KL: variants seen among roughly 807,000 people sequenced by gnomAD.
KL encodes the protein alpha-klotho.
A neutral mutation model predicts 84.2 loss-of-function variants in KL; 62 were observed. That is an observed-to-expected ratio of 0.74 (90% CI 0.60 to 0.91). KL has a LOEUF of 0.91. Ranked by LOEUF, KL falls within the 40% of genes least tolerant of loss-of-function variation. The pLI is 0.00. For synonymous variants in KL, 528 were observed against 528.0 expected, an observed-to-expected ratio of 1.00 and a Z score of 0.00; for missense variants, 1,261 against 1,305.7, an observed-to-expected ratio of 0.97 and a Z score of 0.53.
chr13:33,031,450 A>C (rs1870969829), intron 1 of KL, among the ~76,000 whole-genome samples: 1 of 152,154 alleles, frequency 6.6e-6, no homozygotes, highest in African/African-American at 2.4e-5. Flanking sequence ...AAAATCACAT[A>C]TAGAATATTC....
Position 33,017,053 on chromosome 13 carries a change from G to C in KL, c.613G>C (p.Gly205Arg), listed in dbSNP as rs1347083044. 6.2e-7 allele frequency: 1 copy of C among 1,600,858 alleles called. No homozygotes were observed. The highest frequency in any genetic ancestry group is 1.3e-5 in the African/African-American group (1 of 74,866). Residue 205 changes from glycine (G) to arginine (R), a missense_variant, in exon 1 of 5, where the codon GGC becomes CGC. Gly to Arg is a moderately radical substitution (Grantham distance 125, BLOSUM62 -2). Transcript: ENST00000380099. ...GCCCCAGCGCCTGCAGGACGCCTAC[G>C]GCGGCTGGGCCAACCGCGCCCTGGC... is the stretch of plus-strand genomic sequence containing the variant. The part of the protein sequence containing the change: ...DLPQRLQDAY[G>R]GWANRALADH...
chr13:33,060,319 A>G (rs985542159), intron 3 of KL, among the ~76,000 whole-genome samples: 5 of 152,222 alleles, frequency 3.3e-5, no homozygotes, highest in Admixed American at 6.5e-5. Flanking sequence ...GCCTCATGAC[A>G]TTAATGATTT....
At position 33,018,668 on chromosome 13, in the gene KL, T is replaced by C. The variant is rs141582051; in HGVS notation, c.819+1409T>C. Among the ~76,000 whole-genome samples the C allele has an allele frequency of 1.1e-3, 167 of 152,312 alleles. 1 individual carries two copies. In the East Asian group the frequency reaches 0.029, roughly 27 times the overall value. On this transcript the variant is annotated intron_variant, in intron 1 of 4. Transcript: ENST00000380099. ...AAGACCACCAGTGTATGGCTGGTGA[T>C]AGAAAAACTATGGGAAGAATGGTCT... is the stretch of plus-strand genomic sequence containing the variant.
At chr13:33,036,404 CA>C (rs1455385156) in intron 1 of KL, among the ~76,000 whole-genome samples, 2 of 148,672 alleles carry the variant, frequency 1.3e-5, no homozygotes, top group African/African-American at 5.0e-5. Flanking sequence ...ACACACCACA[CA>C]CACACCACAC....
chr13:33,043,927 T>C (rs1373324435), intron 1 of KL, among the ~76,000 whole-genome samples: 3 of 152,198 alleles, frequency 2.0e-5, no homozygotes, highest in Non-Finnish European at 4.4e-5. Flanking sequence ...AGTATTTTCC[T>C]ACTCCAAGAT....
Position 33,063,955 on chromosome 13 carries a change from G to A in KL, c.2808G>A (p.Glu936=). ...ATCGTTATGCTGCAGATCAGTTTGA[G>A]CCCAAGGCATCCATGAAACATTACA... ...GLYRYAADQF[E]PKASMKHYRK... The change falls in exon 5 of 5, where the codon GAG becomes GAA. Residue 936 remains glutamate, a synonymous_variant. Transcript: ENST00000380099. The A allele has an allele frequency of 6.2e-7, 1 of 1,614,152 alleles. No individual in the cohort carries two copies. The highest frequency in any genetic ancestry group is 8.5e-7 in the Non-Finnish European group (1 of 1,180,026).
intron 3 of KL, among the ~76,000 whole-genome samples, chr13:33,057,663 C>A (rs1872017014): frequency 6.6e-6 from 1 of 152,140 alleles, no homozygotes; most frequent in African/African-American, 2.4e-5. Context: ...ACTCTCAAAC[C>A]CACAGCAGAT....
At chr13:33,036,061 A>G in intron 1 of KL, among the ~76,000 whole-genome samples, 1 of 152,214 alleles carries the variant, frequency 6.6e-6, no homozygotes, top group East Asian at 1.9e-4. Context: ...CATGATTTTC[A>G]AAAACTACCC....
In KL at chr13:33,016,895, C is replaced by T. The variant is rs1363463124; in HGVS notation, c.455C>T (p.Ser152Leu). The T allele has an allele frequency of 1.2e-6, 2 of 1,612,298 alleles. No individual in the cohort carries two copies. The highest frequency in any genetic ancestry group is 1.3e-5 in the African/African-American group (1 of 74,916). ...LGVTHYRFSISWARVLPNGSA... is the reference protein window; with the variant it reads ...LGVTHYRFSILWARVLPNGSA... Reference sequence around the variant, plus strand: ...GTCACTCACTACCGCTTCTCCATCTCGTGGGCGCGAGTGCTCCCCAATGGC... The same window carrying T: ...GTCACTCACTACCGCTTCTCCATCTTGTGGGCGCGAGTGCTCCCCAATGGC... Residue 152 changes from serine to leucine, a missense_variant, in exon 1 of 5, where the codon TCG becomes TTG. By Grantham distance (145) the Ser-to-Leu change is moderately radical. Coordinates refer to ENST00000380099, the MANE Select transcript of KL (RefSeq NM_004795.4).
In KL at chr13:33,042,072, T is replaced by A. The variant is rs115642569; in HGVS notation, c.820-11695T>A. 5.2e-3 allele frequency among the ~76,000 whole-genome samples: 788 copies of A among 152,038 alleles called. 6 individuals are homozygous for A. Among genetic ancestry groups the A allele is most frequent in the African/African-American group, 0.017 (712 of 41,390 alleles). ...GCAATTAAAAGCTAAATATATATAT[T>A]TTTTTAACTAACAGATTACTGTAGT... On this transcript the variant is annotated intron_variant, in intron 1 of 4. Transcript: ENST00000380099.
intron 1 of KL, among the ~76,000 whole-genome samples, chr13:33,032,843 T>C (rs1871021917): frequency 6.6e-6 from 1 of 152,166 alleles, no homozygotes; most frequent in Non-Finnish European, 1.5e-5. Context: ...CTCTCCAGGA[T>C]CTACATCTTT....
At chr13:33,026,686 A>C (rs1221769429) in intron 1 of KL, among the ~76,000 whole-genome samples, 1 of 152,204 alleles carries the variant, frequency 6.6e-6, no homozygotes, top group Non-Finnish European at 1.5e-5. Flanking sequence ...CGTGGGTGGC[A>C]ACAAGCCCAG....
chr13:33,025,818 T>C (rs552333478), intron 1 of KL, among the ~76,000 whole-genome samples: 1 of 148,324 alleles, frequency 6.7e-6, no homozygotes, highest in Non-Finnish European at 1.5e-5. Flanking sequence ...TCTCAGGTTT[T>C]TTCCCCCCAG....
chr13:33,017,414 C>T (rs1235454486), intron 1 of KL, among the ~76,000 whole-genome samples, 155 bp downstream of exon 1: 1 of 152,198 alleles, frequency 6.6e-6, no homozygotes, highest in African/African-American at 2.4e-5. Flanking sequence ...TTCTGACTTC[C>T]CTTGGAAGGC....
intron 1 of KL, among the ~76,000 whole-genome samples, chr13:33,029,389 T>C (rs977592446): frequency 6.6e-6 from 1 of 152,244 alleles, no homozygotes; most frequent in Non-Finnish European, 1.5e-5. Flanking sequence ...CATTTGATAC[T>C]TAATAAGCAA....
intron 1 of KL, among the ~76,000 whole-genome samples, chr13:33,020,722 C>T (rs1870545756): frequency 6.6e-6 from 1 of 152,162 alleles, no homozygotes; most frequent in African/African-American, 2.4e-5. Flanking sequence ...ACCACTTCTC[C>T]CCTTATCTAT....
At chr13:33,050,586 G>A (rs1281847377) in intron 1 of KL, among the ~76,000 whole-genome samples, 1 of 152,192 alleles carries the variant, frequency 6.6e-6, no homozygotes, top group Admixed American at 6.5e-5. Context: ...AGAGAAGTAT[G>A]TGTGAGACTC....
chr13:33,048,459 C>T (rs192466481), intron 1 of KL, among the ~76,000 whole-genome samples: 84 of 152,284 alleles, frequency 5.5e-4, no homozygotes, highest in Middle Eastern at 3.4e-3. Flanking sequence ...ACCTACCCAA[C>T]CTTTGGTATT....
chr13:33,028,982 A>G (rs1172278935), intron 1 of KL, among the ~76,000 whole-genome samples: 3 of 100,740 alleles, frequency 3.0e-5, no homozygotes, highest in East Asian at 2.6e-4. Context: ...CTTAAGAGTC[A>G]AAAGTGGTTG....
Sources: allele counts gnomAD v4.1 joint callset (sites outside exome capture counted in the v4.1 genomes callset), GRCh38; gene constraint gnomAD v4.1.1; transcripts MANE v1.5; gene names NCBI Gene and HGNC (gene_info 2026-07-23, HGNC 2026-07-21).